The following CHST9 variants were observed in gnomAD, a reference collection of about 807,000 sequenced individuals.
CHST9 encodes carbohydrate sulfotransferase 9.
A neutral mutation model predicts 44.4 loss-of-function variants in CHST9; 41 were observed. That is an observed-to-expected ratio of 0.92 (90% CI 0.72 to 1.20). The LOEUF is 1.20. Ranked by LOEUF, CHST9 falls within the 50% of genes most tolerant of loss-of-function variation. CHST9 has a pLI of 0.00. For synonymous variants in CHST9, 171 were observed against 178.4 expected (o/e 0.96, Z 0.33); for missense variants, 504 against 516.5 (o/e 0.98, Z 0.23).
Position 27,044,065 on chromosome 18 carries a change from C to CA in CHST9, c.160+4399_160+4400insT, listed in dbSNP as rs932499094. Reference sequence around the variant, plus strand: ...TCCTTTGGACAGCGAGCCCTTCCCCCCCCTTTATTTTAACCTGGTAAACTA... The same window carrying CA: ...TCCTTTGGACAGCGAGCCCTTCCCCCACCCTTTATTTTAACCTGGTAAACTA... On this transcript the variant is annotated intron_variant, in intron 3 of 5. Transcript: ENST00000618847. Among the ~76,000 whole-genome samples, 7 of 149,420 alleles carry CA rather than the reference C, an allele frequency of 4.7e-5. No homozygotes were observed. In the East Asian group the frequency reaches 1.4e-3, roughly 29 times the overall value.
At chr18:26,984,337 T>G (rs1252140082) in intron 4 of CHST9, among the ~76,000 whole-genome samples, 1 of 152,216 alleles carries the variant, frequency 6.6e-6, no homozygotes, top group African/African-American at 2.4e-5. Flanking sequence ...ATTTCTATCC[T>G]GACTCCCACT....
Position 26,915,003 on chromosome 18 carries a change from G to A in CHST9, c.*1256C>T, listed in dbSNP as rs1459004860. ...TTTTTTCCCCAAGGGATCTAATTTA[G>A]GATCCCTTGGAAAAAAATTCCAAAA... On this transcript the variant is annotated 3_prime_UTR_variant, in exon 6 of 6. Coordinates refer to ENST00000618847, the MANE Select transcript of CHST9 (RefSeq NM_031422.6). 3 of 397,614 alleles carry A rather than the reference G, an allele frequency of 7.5e-6. No individual in the cohort carries two copies. The highest frequency in any genetic ancestry group is 4.4e-5 in the Admixed American group (1 of 22,668). The allele number at this position is 397,614 out of a possible 1,614,324, so 24.6% of individuals were successfully genotyped here.
intron 1 of CHST9, among the ~76,000 whole-genome samples, chr18:27,153,679 CCTTAA>C (rs567254291): frequency 3.8e-4 from 58 of 151,920 alleles, no homozygotes; most frequent in African/African-American, 1.2e-3. Flanking sequence ...ATTTTGAGAT[CCTTAA>C]CTTAATTACA....
intron 1 of CHST9, among the ~76,000 whole-genome samples, chr18:27,154,382 G>C (rs1473975551): frequency 6.6e-6 from 1 of 151,916 alleles, no homozygotes; most frequent in Non-Finnish European, 1.5e-5. Flanking sequence ...AAGAGGTATG[G>C]GTGGAGACAG....
intron 2 of CHST9, among the ~76,000 whole-genome samples, chr18:27,140,239 A>C (rs777923767): frequency 4.3e-4 from 66 of 152,202 alleles, no homozygotes; most frequent in Non-Finnish European, 3.4e-4. Context: ...AGGCCATGCA[A>C]AGCCTTGGAT....
Position 27,042,004 on chromosome 18 carries a change from G to T in CHST9, c.160+6461C>A, listed in dbSNP as rs189489962. 1.2e-4 allele frequency among the ~76,000 whole-genome samples: 19 copies of T among 152,156 alleles called. No individual in the cohort carries two copies. The East Asian group carries it at 2.9e-3, about 23-fold the overall frequency. The stretch of plus-strand genomic sequence containing the variant: ...ATAGACTTCATTAACATAGTTCAGA[G>T]AGCCAGGTCTTCAGGAAAGCTGCTT... On this transcript the variant is annotated intron_variant, in intron 3 of 5. Coordinates refer to ENST00000618847, the MANE Select transcript of CHST9 (RefSeq NM_031422.6).
At chr18:26,978,089 G>T (rs962485747) in intron 4 of CHST9, among the ~76,000 whole-genome samples, 90 of 147,184 alleles carry the variant, frequency 6.1e-4, no homozygotes, top group Middle Eastern at 3.5e-3. Context: ...TTTTCCTGTG[G>T]TTTTTTTTTT....
chr18:27,075,608 C>T (rs1350945448), intron 2 of CHST9, among the ~76,000 whole-genome samples: 1 of 152,080 alleles, frequency 6.6e-6, no homozygotes, highest in Admixed American at 6.6e-5. Context: ...TAGACTGTAC[C>T]AGAAACACTT....
intron 1 of CHST9, among the ~76,000 whole-genome samples, chr18:27,162,593 T>C (rs12458849): frequency 0.32 from 48,386 of 152,082 alleles, 8,338 homozygotes; most frequent in Non-Finnish European, 0.39. Context: ...TGTCTTGGAG[T>C]TGCTCTTCTC....
At chr18:27,053,256 A>AAGAAGAAGAAGAAGAAGAAGGAGAAGG (rs1568151140) in intron 2 of CHST9, among the ~76,000 whole-genome samples, 3 of 80,588 alleles carry the variant, frequency 3.7e-5, no homozygotes, top group Admixed American at 1.3e-4. Context: ...GAAGAAGAAG[A>AAGAAGAAGAAGAAGAAGAAGGAGAAGG]AGAAGGAGAA....
chr18:26,989,690 G>T (rs143702079), intron 4 of CHST9, among the ~76,000 whole-genome samples: 1 of 152,342 alleles, frequency 6.6e-6, no homozygotes, highest in South Asian at 2.1e-4. Flanking sequence ...TCGAGGCTGC[G>T]CCTGGTGGCT....
At chr18:27,040,591 A>G (rs1391063046) in intron 3 of CHST9, among the ~76,000 whole-genome samples, 4 of 152,038 alleles carry the variant, frequency 2.6e-5, no homozygotes, top group African/African-American at 4.8e-5. Context: ...GAGGTGTTTC[A>G]TGTTTCCTTA....
intron 1 of CHST9, among the ~76,000 whole-genome samples, chr18:27,147,369 C>T (rs1023281615): frequency 6.6e-6 from 1 of 152,144 alleles, no homozygotes; most frequent in Non-Finnish European, 1.5e-5. Flanking sequence ...ACCCAGCAGA[C>T]ATTTATGATT....
chr18:26,995,615 C>T (rs1056157656), intron 4 of CHST9, among the ~76,000 whole-genome samples: 4 of 152,150 alleles, frequency 2.6e-5, no homozygotes, highest in African/African-American at 9.7e-5. Flanking sequence ...CTAATACAAG[C>T]TTAGCCTGCA....
chr18:26,917,604 A>G (rs2055561140), intron 5 of CHST9, among the ~76,000 whole-genome samples: 1 of 152,158 alleles, frequency 6.6e-6, no homozygotes, highest in South Asian at 2.1e-4. Flanking sequence ...CTTTGCCTGT[A>G]ATGCAATAGG....
rs1324560401 is a variant in CHST9, at chr18:27,058,408, G to A, written c.122-9905C>T. On this transcript the variant is annotated intron_variant, in intron 2 of 5. Transcript: ENST00000618847. ...AAAAATGATAACACATTAAGAGTTA[G>A]AGTTTAATTCCCTTCCCCTCGAATC... is the stretch of plus-strand genomic sequence containing the variant. Among the ~76,000 whole-genome samples the A allele has an allele frequency of 2.0e-5, 3 of 152,188 alleles. 1 individual carries two copies. The highest frequency in any genetic ancestry group is 4.1e-4 in the South Asian group (2 of 4,824).
chr18:26,965,555 C>T (rs1598600857), intron 4 of CHST9, among the ~76,000 whole-genome samples: 2 of 152,196 alleles, frequency 1.3e-5, no homozygotes, highest in Non-Finnish European at 2.9e-5. Flanking sequence ...CCACCATTAG[C>T]TGAGCAACAC....
At chr18:27,039,790 T>C (rs1394450021) in intron 3 of CHST9, among the ~76,000 whole-genome samples, 2 of 152,172 alleles carry the variant, frequency 1.3e-5, no homozygotes, top group African/African-American at 4.8e-5. Context: ...GGAAAAATAT[T>C]AAATTTAATG....
Position 26,939,576 on chromosome 18 carries a change from T to TA in CHST9, c.240+4752dup, listed in dbSNP as rs552907136. On this transcript the variant is annotated intron_variant, in intron 5 of 5. Transcript: ENST00000618847. Reference sequence around the variant, plus strand: ...AGCATGAATGGAGGTCCACATACTATATGTCGAACTATTTCAAAGTGTTAA... The same window carrying TA: ...AGCATGAATGGAGGTCCACATACTATAATGTCGAACTATTTCAAAGTGTTAA... Among the ~76,000 whole-genome samples the TA allele has an allele frequency of 3.9e-5, 6 of 152,314 alleles. No individual in the cohort carries two copies. In the East Asian group the frequency reaches 1.2e-3, roughly 29 times the overall value.
Sources: gnomAD v4.1 joint callset for allele counts (sites outside exome capture counted in the v4.1 genomes callset) on GRCh38, gnomAD v4.1.1 for gene constraint, MANE v1.5 for transcripts, NCBI Gene and HGNC (gene_info 2026-07-23, HGNC 2026-07-21) for gene names.